The following RANBP2 variants were observed in gnomAD, a reference collection of about 807,000 sequenced individuals.
RANBP2 encodes RAN binding protein 2, also known as E3 SUMO-protein ligase RanBP2.
A neutral mutation model predicts 303.6 loss-of-function variants in RANBP2; 57 were observed. That is an observed-to-expected ratio of 0.19 (90% confidence interval 0.15 to 0.23). RANBP2 has a LOEUF of 0.23. Ranked by LOEUF, RANBP2 falls within the 10% of genes least tolerant of loss-of-function variation. The pLI is 1.00. For synonymous variants in RANBP2, 1,167 were observed against 1,301.5 expected (o/e 0.90, Z 2.23); for missense variants, 3,138 against 3,780.8 (o/e 0.83, Z 4.46).
At chr2:109,506,855 A>G in the RANBP2 span, among the ~76,000 whole-genome samples, 2 of 152,158 alleles carry the variant, frequency 1.3e-5, no homozygotes, top group East Asian at 1.9e-4. Context: ...ATATTGTTTC[A>G]AAGATGGGGA....
At chr2:109,365,589 T>C in the RANBP2 span, among the ~76,000 whole-genome samples, 59 of 152,262 alleles carry the variant, frequency 3.9e-4, no homozygotes, top group African/African-American at 1.4e-3. Context: ...GACACCCCCC[T>C]GTTAGCTATT....
chr2:109,121,199 A>T, the RANBP2 span, among the ~76,000 whole-genome samples: 1 of 152,118 alleles, frequency 6.6e-6, no homozygotes, highest in Admixed American at 6.5e-5. Context: ...GTGAGCTGAG[A>T]TCGCACCACT....
the RANBP2 span, among the ~76,000 whole-genome samples, chr2:109,494,080 A>G: frequency 2.0e-5 from 3 of 152,148 alleles, no homozygotes; most frequent in Non-Finnish European, 4.4e-5. Flanking sequence ...GGATAGTTCA[A>G]AGCTGTTCTC....
chr2:109,560,131 A>G, the RANBP2 span, among the ~76,000 whole-genome samples: 1 of 152,080 alleles, frequency 6.6e-6, no homozygotes, highest in African/African-American at 2.4e-5. Flanking sequence ...CGTGTTAGCC[A>G]GGATAGTCTT....
the RANBP2 span, among the ~76,000 whole-genome samples, chr2:109,375,101 G>T: frequency 6.6e-6 from 1 of 152,030 alleles, no homozygotes; most frequent in African/African-American, 2.4e-5. Context: ...AGAAATAATC[G>T]TCTCTCCACA....
At chr2:109,497,881 G>T in the RANBP2 span, among the ~76,000 whole-genome samples, 26 of 152,378 alleles carry the variant, frequency 1.7e-4, no homozygotes, top group African/African-American at 6.0e-4. Flanking sequence ...CAAAGTCTGA[G>T]AAATCATCTC....
the RANBP2 span, among the ~76,000 whole-genome samples, chr2:108,965,464 CA>C: frequency 4.4e-5 from 6 of 137,364 alleles, no homozygotes; most frequent in Admixed American, 1.4e-4. Flanking sequence ...GATTTCGTCT[CA>C]AAAAAAAAAA....
At chr2:109,163,135 C>G in the RANBP2 span, among the ~76,000 whole-genome samples, 1 of 152,158 alleles carries the variant, frequency 6.6e-6, no homozygotes, top group Non-Finnish European at 1.5e-5. Context: ...AATTGCAGGA[C>G]CCAGCAAGGA....
the RANBP2 span, among the ~76,000 whole-genome samples, chr2:109,383,727 C>T: frequency 6.6e-6 from 1 of 152,180 alleles, no homozygotes. Context: ...CAGAGCTACT[C>T]TCTGTTGCTT....
At chr2:109,477,527 C>T in the RANBP2 span, among the ~76,000 whole-genome samples, 8 of 152,164 alleles carry the variant, frequency 5.3e-5, no homozygotes, top group East Asian at 1.4e-3. Flanking sequence ...GAGAGCCTCT[C>T]CCAGCAGGAA....
the RANBP2 span, among the ~76,000 whole-genome samples, chr2:108,853,924 T>C: frequency 7.8e-5 from 9 of 115,254 alleles, no homozygotes; most frequent in African/African-American, 3.4e-4. Flanking sequence ...GTATATATAT[T>C]ATATATAATT....
chr2:109,401,581 T>C, the RANBP2 span, among the ~76,000 whole-genome samples: 4 of 152,218 alleles, frequency 2.6e-5, no homozygotes, highest in East Asian at 7.7e-4. Flanking sequence ...TCGGTGTTCC[T>C]TGGAGTTCTA....
At chr2:109,206,323 T>C in the RANBP2 span, among the ~76,000 whole-genome samples, 2 of 151,758 alleles carry the variant, frequency 1.3e-5, no homozygotes, top group Non-Finnish European at 2.9e-5. Flanking sequence ...ACCCTGTCTC[T>C]ACTAAAAAAT....
chr2:108,871,899 A>T, the RANBP2 span, among the ~76,000 whole-genome samples: 14 of 152,082 alleles, frequency 9.2e-5, no homozygotes, highest in African/African-American at 3.4e-4. Context: ...TATTTTCTCT[A>T]GTTTTACAGT....
chr2:108,731,731 A>G, intron 4 of RANBP2: 1 of 610,708 alleles, frequency 1.6e-6, no homozygotes, highest in South Asian at 2.6e-5. Context: ...GTAGCTGTAA[A>G]CTAAGTAGAG....
intron 26 of RANBP2, among the ~76,000 whole-genome samples, 172 bp downstream of exon 26, chr2:108,781,601 T>G (rs13410596): frequency 0.049 from 7,387 of 152,276 alleles, 599 homozygotes; most frequent in African/African-American, 0.16. Context: ...CTTTTTACAG[T>G]TTTTACATAA....
chr2:109,133,055 C>G, the RANBP2 span, among the ~76,000 whole-genome samples: 2 of 152,172 alleles, frequency 1.3e-5, no homozygotes, highest in Non-Finnish European at 2.9e-5. Context: ...GTAAACAAGA[C>G]TGGCTTGGGC....
the RANBP2 span, among the ~76,000 whole-genome samples, chr2:108,823,182 G>T: frequency 6.6e-6 from 1 of 152,092 alleles, no homozygotes; most frequent in African/African-American, 2.4e-5. Context: ...AAAAGCCAGA[G>T]AGCTTCACTT....
the RANBP2 span, among the ~76,000 whole-genome samples, chr2:109,334,997 C>G: frequency 6.6e-6 from 1 of 152,256 alleles, no homozygotes; most frequent in Admixed American, 6.5e-5. Context: ...GCTCTGAGAA[C>G]GCGATTTATG....
Sources: gnomAD v4.1 joint callset for allele counts (sites outside exome capture counted in the v4.1 genomes callset) on GRCh38, gnomAD v4.1.1 for gene constraint, MANE v1.5 for transcripts, NCBI Gene and HGNC (gene_info 2026-07-23, HGNC 2026-07-21) for gene names.